Variants in PDE2A observed in about 807,000 individuals in gnomAD.
The protein encoded by PDE2A is cGMP-dependent 3',5'-cyclic phosphodiesterase.
In PDE2A, 53 loss-of-function variants were observed where a neutral mutation model predicts 133.6. That is an observed-to-expected ratio of 0.40 (90% CI 0.32 to 0.50). The LOEUF (loss-of-function observed/expected upper bound fraction) is 0.50, where lower values mean the gene tolerates loss of function less well. Ranked by LOEUF, PDE2A falls within the 20% of genes least tolerant of loss-of-function variation. The pLI is 0.73. For synonymous variants in PDE2A, 491 were observed against 490.2 expected (o/e 1.00, Z -0.02); for missense variants, 796 against 1,232.4 (o/e 0.65, Z 5.30).
At chr11:72,587,191 A>G (rs1300549610) in intron 13 of PDE2A, among the ~76,000 whole-genome samples, 1 of 152,108 alleles carries the variant, frequency 6.6e-6, no homozygotes, top group African/African-American at 2.4e-5. Context: ...GGCCATGACT[A>G]TATCACCCAT....
chr11:72,592,471 G>T (rs1467862950), intron 6 of PDE2A, among the ~76,000 whole-genome samples: 1 of 152,206 alleles, frequency 6.6e-6, no homozygotes, highest in Non-Finnish European at 1.5e-5. Context: ...CTGGGAGGAG[G>T]TGTGGAGCCT....
Position 72,577,221 on chromosome 11 carries a change from A to G in PDE2A, c.*163T>C. The G allele has an allele frequency of 1.7e-6, 1 of 603,628 alleles. No homozygotes were observed. The highest frequency in any genetic ancestry group is 2.9e-6 in the Non-Finnish European group (1 of 341,068). 37.4% of individuals were successfully genotyped at this position (603,628 alleles called of 1,614,324 possible). A position where few individuals can be genotyped will look rare whatever the true frequency, so the allele number is the denominator to read the frequency against. On this transcript the variant is annotated 3_prime_UTR_variant, in exon 31 of 31. Transcript: ENST00000334456. The stretch of plus-strand genomic sequence containing the variant: ...AGGTTGGAAGTCTTGCTTCCATTAT[A>G]CAGACGAGAAAGCTGAGGCCCAGGA...
At chr11:72,598,249 C>A (rs574726509) in intron 4 of PDE2A, among the ~76,000 whole-genome samples, 1 of 152,280 alleles carries the variant, frequency 6.6e-6, no homozygotes, top group South Asian at 2.1e-4. Flanking sequence ...AGTGAATAAG[C>A]GGTAGAGCCA....
At position 72,673,889 on chromosome 11, in the gene PDE2A, C is replaced by T. The variant is rs144807868; in HGVS notation, c.71+248G>A. 1.2e-3 allele frequency among the ~76,000 whole-genome samples: 188 copies of T among 152,288 alleles called. 1 individual carries two copies. Among genetic ancestry groups the T allele is most frequent in the African/African-American group, 4.4e-3 (182 of 41,556 alleles). Reference sequence around the variant, plus strand: ...CAGCCCCTCCTCCAACCAGCAGCCCCTTCCATGGGACCCCAGCCTCATCAC... The same window carrying T: ...CAGCCCCTCCTCCAACCAGCAGCCCTTTCCATGGGACCCCAGCCTCATCAC... On this transcript the variant is annotated intron_variant, in intron 1 of 30. Transcript: ENST00000334456.
In PDE2A at chr11:72,577,307, CT is replaced by C. The variant is rs1855511203; in HGVS notation, c.*76del. 3 of 1,145,172 alleles carry C rather than the reference CT, an allele frequency of 2.6e-6. No individual in the cohort carries two copies. The highest frequency in any genetic ancestry group is 3.8e-6 in the Non-Finnish European group (3 of 783,668). 70.9% of individuals were successfully genotyped at this position (1,145,172 alleles called of 1,614,324 possible). ...GGTCTAGGACCCAGGACCCGTGGCTCTGTTCCCAGTGCATCTGGCCAGACCA... is the reference window on the plus strand; with the variant it reads ...GGTCTAGGACCCAGGACCCGTGGCTCGTTCCCAGTGCATCTGGCCAGACCA... On this transcript the variant is annotated 3_prime_UTR_variant, in exon 31 of 31. Coordinates refer to ENST00000334456, the MANE Select transcript of PDE2A (RefSeq NM_002599.5).
chr11:72,593,192 C>CACACAT (rs943947416), intron 6 of PDE2A, among the ~76,000 whole-genome samples: 1 of 151,654 alleles, frequency 6.6e-6, no homozygotes, highest in African/African-American at 2.4e-5. Context: ...CACACACACA[C>CACACAT]ACACACACGG....
chr11:72,657,434 C>A (rs188505021), intron 1 of PDE2A, among the ~76,000 whole-genome samples: 1 of 152,290 alleles, frequency 6.6e-6, no homozygotes, highest in Non-Finnish European at 1.5e-5. Flanking sequence ...TGAATGAACT[C>A]CAGTCCATGC....
chr11:72,613,436 G>A (rs61119221), intron 2 of PDE2A, among the ~76,000 whole-genome samples: 2,579 of 151,656 alleles, frequency 0.017, 79 homozygotes, highest in African/African-American at 0.059. Context: ...CCAGGACCTC[G>A]GAGCCCTCTC....
chr11:72,655,579 T>A (rs1854876039), intron 1 of PDE2A, among the ~76,000 whole-genome samples: 1 of 151,912 alleles, frequency 6.6e-6, no homozygotes, highest in Admixed American at 6.6e-5. Context: ...GAATGCAAGA[T>A]GTGAGCCATA....
At chr11:72,593,875 T>C (rs1856362467) in intron 6 of PDE2A, among the ~76,000 whole-genome samples, 2 of 152,260 alleles carry the variant, frequency 1.3e-5, no homozygotes, top group South Asian at 4.1e-4. Flanking sequence ...TTGCTAGCAC[T>C]TGCCATCACG....
chr11:72,640,192 A>T (rs1858893249), intron 2 of PDE2A, among the ~76,000 whole-genome samples: 1 of 151,576 alleles, frequency 6.6e-6, no homozygotes, highest in Non-Finnish European at 1.5e-5. Flanking sequence ...CGCACCTCAC[A>T]CACCTCTCAC....
chr11:72,608,240 A>G (rs1051046381), intron 3 of PDE2A, among the ~76,000 whole-genome samples: 1 of 152,170 alleles, frequency 6.6e-6, no homozygotes, highest in African/African-American at 2.4e-5. Flanking sequence ...TATTCATCAA[A>G]GCTGAGCCCT....
rs1856169918 is a variant in PDE2A, at chr11:72,590,138, GTCCCCGGAGGGAGACAGGAC to G, written c.756+34_756+53del. On this transcript the variant is annotated intron_variant, in intron 9 of 30. Transcript: ENST00000334456. This position sits in a 1 kb window ranked among gnomAD's most constrained non-coding sequence, Gnocchi z 4.8. ...AGATGGAGGGCTCAAGGGGAAGTTG[GTCCCCGGAGGGAGACAGGAC>G]GGGGAGGTGGCCGGCAGGGGCGCAG... 1 of 1,485,182 alleles carries G rather than the reference GTCCCCGGAGGGAGACAGGAC, an allele frequency of 6.7e-7. No individual in the cohort carries two copies. The highest frequency in any genetic ancestry group is 1.4e-5 in the African/African-American group (1 of 71,710). The allele number at this position is 1,485,182 out of a possible 1,614,324, so 92.0% of individuals were successfully genotyped here. A position where few individuals can be genotyped will look rare whatever the true frequency, so the allele number is the denominator to read the frequency against.
chr11:72,625,416 C>G (rs1376861805), intron 2 of PDE2A, among the ~76,000 whole-genome samples: 1 of 152,230 alleles, frequency 6.6e-6, no homozygotes, highest in Non-Finnish European at 1.5e-5. Flanking sequence ...TGGACAGGAC[C>G]AGCCCAATGC....
At chr11:72,602,951 C>T (rs1213247470) in intron 4 of PDE2A, among the ~76,000 whole-genome samples, 1 of 152,250 alleles carries the variant, frequency 6.6e-6, no homozygotes, top group Non-Finnish European at 1.5e-5. Context: ...GGGCTCACCA[C>T]CAGACACCAG....
At chr11:72,645,495 C>A (rs918719323) in intron 1 of PDE2A, among the ~76,000 whole-genome samples, 3 of 152,326 alleles carry the variant, frequency 2.0e-5, no homozygotes, top group African/African-American at 7.2e-5. Flanking sequence ...AAGGACTCCT[C>A]CACTCACACG....
chr11:72,662,048 G>C (rs1402527459), intron 1 of PDE2A, among the ~76,000 whole-genome samples: 1 of 152,108 alleles, frequency 6.6e-6, no homozygotes, highest in African/African-American at 2.4e-5. Context: ...ATTTATGTTG[G>C]TGTTCAAGTC....
At chr11:72,588,987 T>C (rs1591028595) in intron 12 of PDE2A, 73 bp from the exon 13 acceptor site, 2 of 1,509,950 alleles carry the variant, frequency 1.3e-6, no homozygotes, top group Non-Finnish European at 1.8e-6. Flanking sequence ...CTCCATCACA[T>C]TTTGCAACAG....
intron 2 of PDE2A, among the ~76,000 whole-genome samples, chr11:72,637,963 G>A (rs952165531): frequency 1.3e-5 from 2 of 152,220 alleles, no homozygotes; most frequent in Admixed American, 1.3e-4. Flanking sequence ...CATCAGCACC[G>A]ATGCCATGGT....
Sources: allele counts gnomAD v4.1 joint callset (sites outside exome capture counted in the v4.1 genomes callset), GRCh38; gene constraint gnomAD v4.1.1; non-coding constraint Gnocchi (gnomAD v3.1); transcripts MANE v1.5; gene names NCBI Gene and HGNC (gene_info 2026-07-23, HGNC 2026-07-21).